SMCO2: variants seen among roughly 807,000 people sequenced by gnomAD.
The protein encoded by SMCO2 is single-pass membrane protein with coiled-coil domains 2, also known as single-pass membrane and coiled-coil domain-containing protein 2.
SMCO2 carries 25 observed loss-of-function variants against 29.5 expected under a neutral mutation model. The ratio of observed to expected loss-of-function variants is 0.85; its 90% CI spans 0.62 to 1.18. SMCO2 has a LOEUF of 1.18. Among genes scored for constraint, SMCO2 ranks in the 50% most tolerant of loss-of-function variants. The pLI, the probability that SMCO2 is intolerant of heterozygous loss-of-function variation, is 0.00. For synonymous variants in SMCO2, 117 were observed against 123.3 expected (o/e 0.95, Z 0.34); for missense variants, 348 against 344.5 (o/e 1.01, Z -0.08).
At chr12:27,473,154 G>C in intron 3 of SMCO2, 1 of 339,154 alleles carries the variant, frequency 2.9e-6, no homozygotes, top group Non-Finnish European at 5.6e-6. Context: ...GGGAATTTAT[G>C]AAATAACTGT....
intron 1 of SMCO2, 132 bp from the exon 2 acceptor site, chr12:27,470,490 T>A (rs1305542095): frequency 4.3e-6 from 4 of 934,978 alleles, no homozygotes; most frequent in Non-Finnish European, 5.9e-6. Flanking sequence ...TCCTTTACGA[T>A]GAACAGCCAG....
exon 1 of SMCO2, chr12:27,466,888 A>G (rs1047749582): frequency 6.6e-6 from 1 of 152,382 alleles, no homozygotes; most frequent in South Asian, 2.1e-4. Flanking sequence ...CACCACTGGA[A>G]CAGGAAAACT....
the SMCO2 span, among the ~76,000 whole-genome samples, chr12:27,445,913 T>C: frequency 6.6e-5 from 10 of 150,756 alleles, no homozygotes; most frequent in African/African-American, 1.9e-4. Context: ...CTCTCTCTCT[T>C]TTTTTTTTAA....
At chr12:27,438,903 G>A in the SMCO2 span, among the ~76,000 whole-genome samples, 3 of 152,214 alleles carry the variant, frequency 2.0e-5, no homozygotes, top group East Asian at 1.9e-4. Flanking sequence ...CTCTTAGACA[G>A]TGGTAGGAGA....
At chr12:27,456,072 A>C in the SMCO2 span, among the ~76,000 whole-genome samples, 6 of 152,182 alleles carry the variant, frequency 3.9e-5, no homozygotes, top group Admixed American at 3.9e-4. Context: ...AGAATTAGCC[A>C]GGCGTGGTGG....
At chr12:27,453,568 T>C in the SMCO2 span, among the ~76,000 whole-genome samples, 1 of 152,192 alleles carries the variant, frequency 6.6e-6, no homozygotes, top group South Asian at 2.1e-4. Flanking sequence ...AAATGAACTG[T>C]CTGAACAAAA....
chr12:27,476,663 A>G (rs752500649), intron 4 of SMCO2, among the ~76,000 whole-genome samples: 7 of 151,842 alleles, frequency 4.6e-5, no homozygotes, highest in South Asian at 2.1e-4. Flanking sequence ...TGTTCTAAGT[A>G]TAGCCACTCC....
chr12:27,488,391 T>C, intron 4 of SMCO2, 69 bp from the exon 6 acceptor site: 2 of 1,094,084 alleles, frequency 1.8e-6, no homozygotes, highest in East Asian at 2.9e-5. Flanking sequence ...TTTTGAAAGA[T>C]CAAAATTACC....
At chr12:27,432,610 G>A in the SMCO2 span, among the ~76,000 whole-genome samples, 56 of 152,346 alleles carry the variant, frequency 3.7e-4, no homozygotes, top group Middle Eastern at 0.01. Context: ...TCCAGCAGGT[G>A]CAGCTAAAGA....
rs138428679 is a variant in SMCO2 at position 27,471,179 on chromosome 12, T to C, written c.134+414T>C. 3.1e-3 allele frequency among the ~76,000 whole-genome samples: 466 copies of C among 152,286 alleles called. 4 individuals are homozygous for C. The highest frequency in any genetic ancestry group is 0.01 in the African/African-American group (430 of 41,556). Reference sequence around the variant, plus strand: ...TAGTTTAGCTATGATCAACACCTTTTTAACTAGGAAAACATTTTTAAGGTA... The same window carrying C: ...TAGTTTAGCTATGATCAACACCTTTCTAACTAGGAAAACATTTTTAAGGTA... On this transcript the variant is annotated intron_variant, in intron 2 of 7. Coordinates refer to ENST00000298876, the Ensembl canonical transcript of SMCO2.
At chr12:27,499,726 T>C (rs1943055171) in intron 7 of SMCO2, among the ~76,000 whole-genome samples, 1 of 150,846 alleles carries the variant, frequency 6.6e-6, no homozygotes, top group South Asian at 2.1e-4. Context: ...TACATTCTAA[T>C]TAAGATTGCC....
At chr12:27,438,657 G>A in the SMCO2 span, among the ~76,000 whole-genome samples, 2 of 152,104 alleles carry the variant, frequency 1.3e-5, no homozygotes, top group African/African-American at 4.8e-5. Context: ...TCATCTATCT[G>A]TATCAATCCT....
chr12:27,475,030 C>A, intron 4 of SMCO2, 117 bp downstream of exon 4: 2 of 1,269,976 alleles, frequency 1.6e-6, no homozygotes, highest in Non-Finnish European at 2.1e-6. Flanking sequence ...TGTCTTGAAC[C>A]ATAAAGCAGT....
chr12:27,484,871 AATATAT>A (rs775572569), intron 4 of SMCO2, among the ~76,000 whole-genome samples: 17 of 77,212 alleles, frequency 2.2e-4, no homozygotes, highest in Middle Eastern at 8.5e-3. Context: ...AAAAAAAAAA[AATATAT>A]ATATATATAT....
At chr12:27,447,186 TG>T in the SMCO2 span, among the ~76,000 whole-genome samples, 1 of 152,156 alleles carries the variant, frequency 6.6e-6, no homozygotes, top group African/African-American at 2.4e-5. Context: ...CCCTGTATGA[TG>T]GGTTTCCATT....
chr12:27,464,234 C>T (rs889408276), upstream of SMCO2, among the ~76,000 whole-genome samples: 11 of 152,234 alleles, frequency 7.2e-5, no homozygotes, highest in Non-Finnish European at 1.5e-4. Flanking sequence ...AGGCTGCACA[C>T]AGGAGTTGTT....
At chr12:27,454,733 A>G in the SMCO2 span, among the ~76,000 whole-genome samples, 1 of 151,924 alleles carries the variant, frequency 6.6e-6, no homozygotes, top group Non-Finnish European at 1.5e-5. Context: ...CTGGCCCTCC[A>G]CCCCACAACG....
At chr12:27,498,266 G>T in intron 7 of SMCO2, 1 of 239,360 alleles carries the variant, frequency 4.2e-6, no homozygotes. Context: ...CAGTATCAAT[G>T]ATCAGATGCT....
chr12:27,464,716 C>CAAAAAAAAAAAAAAAA (rs767874837), upstream of SMCO2, among the ~76,000 whole-genome samples: 1 of 46,134 alleles, frequency 2.2e-5, no homozygotes, highest in African/African-American at 9.0e-5. Context: ...GACCCTGTCT[C>CAAAAAAAAAAAAAAAA]AAAAAAAAAA....
Sources: gnomAD v4.1 joint callset for allele counts (sites outside exome capture counted in the v4.1 genomes callset) on GRCh38, gnomAD v4.1.1 for gene constraint, MANE v1.5 for transcripts, NCBI Gene and HGNC (gene_info 2026-07-23, HGNC 2026-07-21) for gene names.